The following CTNNA3 variants were observed in gnomAD, a reference collection of about 807,000 sequenced individuals.
CTNNA3 encodes catenin alpha 3, also known as catenin alpha-3.
CTNNA3 carries 76 observed loss-of-function variants against 95.7 expected under a neutral mutation model. That is an observed-to-expected ratio of 0.79 (90% CI 0.66 to 0.96). CTNNA3 has a LOEUF of 0.96. Ranked by LOEUF, CTNNA3 falls within the 40% of genes least tolerant of loss-of-function variation. CTNNA3 has a pLI of 0.00. For missense variants in CTNNA3, 1,191 were observed against 1,089.8 expected (o/e 1.09, Z -1.31); for synonymous variants, 431 against 374.4 (o/e 1.15, Z -1.74).
intron 12 of CTNNA3, among the ~76,000 whole-genome samples, chr10:66,290,072 G>C (rs1029106959): frequency 1.3e-5 from 2 of 152,000 alleles, no homozygotes; most frequent in African/African-American, 4.8e-5. Context: ...TGGATGGCTA[G>C]GTGGGTGGAT....
chr10:67,482,686 A>G (rs1848280602), intron 5 of CTNNA3, among the ~76,000 whole-genome samples: 1 of 152,176 alleles, frequency 6.6e-6, no homozygotes, highest in Non-Finnish European at 1.5e-5. Flanking sequence ...CAATCATGTC[A>G]TCTGCAAACA....
chr10:66,574,758 G>C (rs1348737252), intron 10 of CTNNA3, among the ~76,000 whole-genome samples: 1 of 152,054 alleles, frequency 6.6e-6, no homozygotes, highest in East Asian at 1.9e-4. Context: ...TTTTACTACA[G>C]TTTTCCTCTC....
chr10:66,602,282 T>G (rs544626832), intron 10 of CTNNA3, among the ~76,000 whole-genome samples: 27 of 152,080 alleles, frequency 1.8e-4, no homozygotes, highest in Admixed American at 9.2e-4. Flanking sequence ...GCCTCACATT[T>G]AAAATGACAT....
intron 5 of CTNNA3, among the ~76,000 whole-genome samples, chr10:67,431,041 C>G (rs1846095157): frequency 6.6e-6 from 1 of 151,886 alleles, no homozygotes; most frequent in Non-Finnish European, 1.5e-5. Context: ...GGGTAAATGG[C>G]ATTAAGCATG....
At chr10:66,158,266 T>C (rs946607863) in intron 13 of CTNNA3, among the ~76,000 whole-genome samples, 2 of 152,192 alleles carry the variant, frequency 1.3e-5, no homozygotes, top group Admixed American at 1.3e-4. Flanking sequence ...GTTTTTCCGA[T>C]GTTATCTTCT....
chr10:66,580,253 G>C (rs1843140883), intron 10 of CTNNA3, among the ~76,000 whole-genome samples: 1 of 150,596 alleles, frequency 6.6e-6, no homozygotes, highest in Non-Finnish European at 1.5e-5. Flanking sequence ...TTCTCCTTTG[G>C]TGACATTCTT....
intron 8 of CTNNA3, among the ~76,000 whole-genome samples, chr10:66,767,430 A>G (rs1450664162): frequency 3.4e-5 from 5 of 146,318 alleles, no homozygotes; most frequent in African/African-American, 1.3e-4. Context: ...CAGGCAACAG[A>G]GTGAGACTCC....
chr10:66,636,590 T>C (rs1845346159), intron 9 of CTNNA3, among the ~76,000 whole-genome samples: 1 of 152,162 alleles, frequency 6.6e-6, no homozygotes, highest in Non-Finnish European at 1.5e-5. Context: ...ACTCCTCTTT[T>C]TGGTTCTAAG....
rs140047073 is a variant in CTNNA3, at chr10:67,070,286, G to A, written c.1047+110031C>T. On this transcript the variant is annotated intron_variant, in intron 7 of 17. Coordinates refer to ENST00000433211, the MANE Select transcript of CTNNA3 (RefSeq NM_013266.4). The stretch of plus-strand genomic sequence containing the variant: ...CTTTTTTATTTGCAGGAGTTCTTAT[G>A]TAATCTGAATGAGTCATTTGTCAGA... Among the ~76,000 whole-genome samples the A allele has an allele frequency of 5.9e-5, 9 of 152,118 alleles. No individual in the cohort carries two copies. The East Asian group carries it at 1.3e-3, about 23-fold the overall frequency.
intron 9 of CTNNA3, among the ~76,000 whole-genome samples, chr10:66,739,988 T>C (rs549791903): frequency 1.3e-5 from 2 of 152,204 alleles, no homozygotes; most frequent in South Asian, 4.1e-4. Context: ...CAAGATAACG[T>C]GGGAATGGAG....
At chr10:67,568,178 C>A (rs1589436595) in intron 3 of CTNNA3, among the ~76,000 whole-genome samples, 1 of 150,628 alleles carries the variant, frequency 6.6e-6, no homozygotes, top group East Asian at 1.9e-4. Flanking sequence ...ATCTCTCTTT[C>A]TACATTTTCA....
chr10:66,684,780 T>C lies in CTNNA3; in HGVS notation c.1282-62996A>G, dbSNP rs1847189623. Among the ~76,000 whole-genome samples, 3 of 152,118 alleles carry C rather than the reference T, an allele frequency of 2.0e-5. No homozygotes were observed. The South Asian group carries it at 6.2e-4, about 31-fold the overall frequency. On this transcript the variant is annotated intron_variant, in intron 9 of 17. Transcript: ENST00000433211. ...GATAAAATTAAAAACACGTGCATGA[T>C]TCTAGAGGCTACATATGCTATTGAT...
chr10:66,206,244 T>C (rs1459541650), intron 13 of CTNNA3, among the ~76,000 whole-genome samples: 1 of 151,886 alleles, frequency 6.6e-6, no homozygotes, highest in African/African-American at 2.4e-5. Flanking sequence ...CAAGGAAATA[T>C]AACACCAACT....
chr10:67,726,558 T>C (rs1841225838), intron 1 of CTNNA3, among the ~76,000 whole-genome samples: 3 of 78,144 alleles, frequency 3.8e-5, no homozygotes, highest in Non-Finnish European at 6.4e-5. Context: ...TATTATATAA[T>C]ATAATATATA....
At chr10:67,445,951 T>G (rs1160729792) in intron 5 of CTNNA3, among the ~76,000 whole-genome samples, 1 of 152,164 alleles carries the variant, frequency 6.6e-6, no homozygotes, top group Non-Finnish European at 1.5e-5. Flanking sequence ...ACATGACAGA[T>G]GCTCAATAAA....
intron 7 of CTNNA3, among the ~76,000 whole-genome samples, chr10:66,857,381 T>G (rs1843722771): frequency 7.9e-6 from 1 of 127,006 alleles, no homozygotes; most frequent in Non-Finnish European, 1.6e-5. Flanking sequence ...CCTTGGCTAT[T>G]TGGACTAATT....
At chr10:66,817,899 A>G (rs1842151239) in intron 7 of CTNNA3, among the ~76,000 whole-genome samples, 1 of 152,036 alleles carries the variant, frequency 6.6e-6, no homozygotes, top group South Asian at 2.1e-4. Context: ...TCAACAAAAT[A>G]TTAGCAAACT....
chr10:66,793,787 TATG>T (rs1176050195), intron 7 of CTNNA3, among the ~76,000 whole-genome samples: 1 of 152,156 alleles, frequency 6.6e-6, no homozygotes, highest in African/African-American at 2.4e-5. Flanking sequence ...TAAATAGACT[TATG>T]ATATCTGCTG....
At chr10:67,639,772 T>A (rs1026451308) in intron 2 of CTNNA3, among the ~76,000 whole-genome samples, 3 of 152,112 alleles carry the variant, frequency 2.0e-5, no homozygotes, top group Admixed American at 1.3e-4. Context: ...ATTATCTCAA[T>A]AGATGCAGAA....
Sources: allele counts gnomAD v4.1 joint callset (sites outside exome capture counted in the v4.1 genomes callset), GRCh38; gene constraint gnomAD v4.1.1; transcripts MANE v1.5; gene names NCBI Gene and HGNC (gene_info 2026-07-23, HGNC 2026-07-21).